Variants in PLB1 observed in about 807,000 individuals in gnomAD.
The protein encoded by PLB1 is phospholipase B1, membrane-associated.
Under a neutral mutation model 227.4 loss-of-function variants are expected in PLB1, and 242 were observed. The observed-to-expected ratio is 1.06, with a 90% confidence interval of 0.96 to 1.18. The LOEUF is 1.18. Among genes scored for constraint, PLB1 ranks in the 50% most tolerant of loss-of-function variants. The pLI, the probability that PLB1 is intolerant of heterozygous loss-of-function variation, is 0.00. For synonymous variants in PLB1, 757 were observed against 682.2 expected, an observed-to-expected ratio of 1.11 and a Z score of -1.71; for missense variants, 1,858 against 1,816.3, an observed-to-expected ratio of 1.02 and a Z score of -0.42.
At chr2:28,538,491 G>C (rs1028699165) in intron 10 of PLB1, 110 bp downstream of exon 10, 1 of 963,350 alleles carries the variant, frequency 1.0e-6, no homozygotes, top group Admixed American at 2.5e-5. Context: ...TGGGACCCTC[G>C]GGAAAGGGGA....
intron 10 of PLB1, 89 bp from the exon 11 acceptor site, chr2:28,539,010 C>A: frequency 9.5e-7 from 1 of 1,048,012 alleles, no homozygotes; most frequent in Non-Finnish European, 1.5e-6. Context: ...TCAACCACAC[C>A]CCAACGGGGC....
chr2:28,627,295 A>C (rs1392004554), intron 51 of PLB1, among the ~76,000 whole-genome samples: 1 of 150,126 alleles, frequency 6.7e-6, no homozygotes, highest in Non-Finnish European at 1.5e-5. Context: ...GGCAGAAGTG[A>C]CCCTAACTCA....
chr2:28,528,941 CTTTTTT>C (rs201087238), intron 6 of PLB1, among the ~76,000 whole-genome samples: 3 of 109,434 alleles, frequency 2.7e-5, no homozygotes, highest in African/African-American at 1.1e-4. Context: ...GGGAGTCAGT[CTTTTTT>C]TTTTTTTTTT....
At chr2:28,551,018 C>T (rs984854709) in intron 16 of PLB1, among the ~76,000 whole-genome samples, 6 of 152,214 alleles carry the variant, frequency 3.9e-5, no homozygotes, top group African/African-American at 9.6e-5. Flanking sequence ...GAGCTGCCTC[C>T]GCAACCAGCA....
At chr2:28,594,672 G>C (rs1040864625) in intron 33 of PLB1, 1 of 152,664 alleles carries the variant, frequency 6.6e-6, no homozygotes, top group Non-Finnish European at 1.5e-5. Flanking sequence ...GCCATCACTC[G>C]GCCTGTACCA....
intron 14 of PLB1, among the ~76,000 whole-genome samples, chr2:28,544,533 A>T (rs377364260): frequency 4.6e-5 from 7 of 152,342 alleles, no homozygotes; most frequent in African/African-American, 1.7e-4. Context: ...CAAGGGGGAT[A>T]CAAGAGACCC....
intron 1 of PLB1, among the ~76,000 whole-genome samples, chr2:28,515,090 A>G (rs1053963484): frequency 2.6e-5 from 4 of 152,258 alleles, no homozygotes; most frequent in African/African-American, 4.8e-5. Flanking sequence ...ATTAGTTCAC[A>G]TAAGTGCTTA....
At chr2:28,525,680 A>AG (rs1367965224) in intron 5 of PLB1, among the ~76,000 whole-genome samples, 2 of 152,142 alleles carry the variant, frequency 1.3e-5, no homozygotes, top group African/African-American at 4.8e-5. Context: ...GGACCAGATG[A>AG]GAGCGGGTTG....
chr2:28,590,130 C>G, intron 29 of PLB1, 54 bp downstream of exon 29: 1 of 1,457,854 alleles, frequency 6.9e-7, no homozygotes, highest in South Asian at 1.1e-5. Context: ...CTTCTTGGCT[C>G]ATTTCATCCT....
chr2:28,547,219 A>AAG (rs1553418245), intron 14 of PLB1, among the ~76,000 whole-genome samples: 2,673 of 87,966 alleles, frequency 0.03, 49 homozygotes, highest in Non-Finnish European at 0.045. Context: ...AAAAAAAAGA[A>AAG]AAAAAAAAAA....
Position 28,543,218 on chromosome 2 carries a change from C to G in PLB1, c.886C>G (p.Pro296Ala), listed in dbSNP as rs752647702. ...TCAACTGGTTCTCTTTTAGGAGGAC[C>G]CCCGACTCCAGGATTCTACCACGCT... ...ETTPSLHSED[P>A]RLQDSTTLAW... is the part of the protein sequence containing the mutation. Residue 296 changes from proline to alanine, a missense_variant, in exon 14 of 58, where the codon CCC becomes GCC. By Grantham distance (27) the Pro-to-Ala change is conservative. Transcript: ENST00000327757. The G allele has an allele frequency of 6.2e-7, 1 of 1,610,446 alleles. No individual in the cohort carries two copies. Among genetic ancestry groups the G allele is most frequent in the Non-Finnish European group, 8.5e-7 (1 of 1,178,612 alleles).
intron 1 of PLB1, among the ~76,000 whole-genome samples, chr2:28,499,513 C>CT (rs1310474417): frequency 6.6e-6 from 1 of 151,246 alleles, no homozygotes; most frequent in Non-Finnish European, 1.5e-5. Context: ...CGGCTGGTGC[C>CT]TGCACAACAG....
intron 1 of PLB1, among the ~76,000 whole-genome samples, chr2:28,508,466 A>G (rs1378817645): frequency 1.3e-5 from 2 of 152,216 alleles, no homozygotes; most frequent in South Asian, 2.1e-4. Context: ...TTAATGGAGC[A>G]GTCAGCCAGG....
At chr2:28,614,220 T>C in intron 44 of PLB1, 124 bp downstream of exon 44, 1 of 989,406 alleles carries the variant, frequency 1.0e-6, no homozygotes. Context: ...ATACTGGGGA[T>C]TGGAATGTAC....
intron 18 of PLB1, among the ~76,000 whole-genome samples, chr2:28,563,454 T>C (rs929413274): frequency 2.6e-5 from 4 of 151,648 alleles, no homozygotes; most frequent in Non-Finnish European, 4.4e-5. Context: ...CAGACCATGG[T>C]GTAGAACTCC....
intron 23 of PLB1, 24 bp downstream of exon 23, chr2:28,579,731 A>G: frequency 3.8e-6 from 6 of 1,586,344 alleles, no homozygotes; most frequent in Non-Finnish European, 5.2e-6. Context: ...CACTTTACTC[A>G]AGACTCACCC....
chr2:28,538,333 G>A lies in PLB1; in HGVS notation c.570G>A (p.Ala190=), dbSNP rs142944943. Reference sequence around the variant, plus strand: ...TCCTCTCACAGAATGGGCTTGCGGCGGGCGGCGTGGATGAGCTGATGGGGG... The same window carrying A: ...TCCTCTCACAGAATGGGCTTGCGGCAGGCGGCGTGGATGAGCTGATGGGGG... ...CPSAQQNGLA[A]GGVDELMGVL... The change falls in exon 10 of 58, where the codon GCG becomes GCA. Residue 190 remains alanine, a synonymous_variant. Coordinates refer to ENST00000327757, the MANE Select transcript of PLB1 (RefSeq NM_153021.5). 47 of 1,613,484 alleles carry A rather than the reference G, an allele frequency of 2.9e-5. No individual in the cohort carries two copies. In the African/African-American group the frequency reaches 4.5e-4, roughly 16 times the overall value.
In PLB1 at chr2:28,575,593, C is replaced by G. The variant is rs931897996; in HGVS notation, c.1433+2288C>G. ...ATAGACTTTGTTTGTTTGTTTGAGA[C>G]AGAGTCTCACTCTGTTGCCCAGGCT... is the stretch of plus-strand genomic sequence containing the variant. On this transcript the variant is annotated intron_variant, in intron 21 of 57. Transcript: ENST00000327757. Among the ~76,000 whole-genome samples, 5 of 152,294 alleles carry G rather than the reference C, an allele frequency of 3.3e-5. No individual in the cohort carries two copies. In the East Asian group the frequency reaches 9.7e-4, roughly 29 times the overall value.
chr2:28,607,479 A>G (rs1379694682), intron 43 of PLB1, among the ~76,000 whole-genome samples: 2 of 152,172 alleles, frequency 1.3e-5, no homozygotes, highest in Non-Finnish European at 2.9e-5. Context: ...GTGTGCCATC[A>G]GCCCCATCAG....
Sources: allele counts gnomAD v4.1 joint callset (sites outside exome capture counted in the v4.1 genomes callset), GRCh38; gene constraint gnomAD v4.1.1; transcripts MANE v1.5; gene names NCBI Gene and HGNC (gene_info 2026-07-23, HGNC 2026-07-21).